The following SYNE1 variants were observed in gnomAD, a reference collection of about 807,000 sequenced individuals.
The protein encoded by SYNE1 is nesprin-1.
Under a neutral mutation model 1,111.0 loss-of-function variants are expected in SYNE1, and 616 were observed. That is an observed-to-expected ratio of 0.55 (90% CI 0.52 to 0.59). The LOEUF is 0.59. SYNE1 is among the 20% of genes least tolerant of loss of function. The pLI is 0.00. For missense variants in SYNE1, 10,006 were observed against 10,417.0 expected, an observed-to-expected ratio of 0.96 and a Z score of 1.72; for synonymous variants, 3,855 against 3,825.8, an observed-to-expected ratio of 1.01 and a Z score of -0.28.
rs543380778 is a variant in SYNE1, at chr6:152,494,719, G to T, written c.939+4023C>A. On this transcript the variant is annotated intron_variant, in intron 11 of 145. Transcript: ENST00000367255. ...AAAGAGTTTTCCTCACCATGCAAGG[G>T]TCCTCCATCGTTAATGACTCTTTAA... Among the ~76,000 whole-genome samples the T allele has an allele frequency of 1.2e-4, 18 of 152,234 alleles. No homozygotes were observed. In the South Asian group the frequency reaches 2.5e-3, roughly 21 times the overall value.
At chr6:152,439,165 A>G (rs1346512115) in intron 32 of SYNE1, among the ~76,000 whole-genome samples, 6 of 152,240 alleles carry the variant, frequency 3.9e-5, no homozygotes, top group African/African-American at 1.2e-4. Flanking sequence ...CATCAATCCC[A>G]AAGCATAGAA....
chr6:152,167,597 A>T, intron 130 of SYNE1: 1 of 387,180 alleles, frequency 2.6e-6, no homozygotes, highest in East Asian at 6.3e-5. Flanking sequence ...CATATTAGGG[A>T]CTAAAACTTA....
intron 106 of SYNE1, 51 bp from the exon 107 acceptor site, chr6:152,242,491 C>A: frequency 6.2e-7 from 1 of 1,602,414 alleles, no homozygotes; most frequent in Non-Finnish European, 8.5e-7. Flanking sequence ...TCTGGCAACC[C>A]TCTAAAAGCA....
rs2098419249 is a variant in SYNE1, at chr6:152,430,522, T to C, written c.4649A>G (p.His1550Arg). The C allele has an allele frequency of 6.2e-7, 1 of 1,614,122 alleles. No homozygotes were observed. The highest frequency in any genetic ancestry group is 8.5e-7 in the Non-Finnish European group (1 of 1,179,968). The change falls in exon 35 of 146, where the codon CAT (histidine) becomes CGT (arginine). Residue 1550 changes from histidine (H) to arginine (R), a missense_variant. By Grantham distance (29) the His-to-Arg change is conservative. Around this residue, in one of 7 missense-constraint regions of SYNE1, gnomAD observed 1,971 missense variants for 2,084.1 expected, o/e 0.95. Transcript: ENST00000367255. ...TTCAAACTTTTGCTGCTGAGATAAA[T>C]GTCCCAGGATTGTTCCTTCCAGACA... ...AQCLEGTILG[H>R]LSQQQKFEEN...
intron 2 of SYNE1, among the ~76,000 whole-genome samples, chr6:152,634,437 T>C (rs1371158174): frequency 6.6e-6 from 1 of 152,202 alleles, no homozygotes; most frequent in Non-Finnish European, 1.5e-5. Context: ...TGAAGAGAGT[T>C]CACATACTGT....
At chr6:152,178,182 T>C (rs1053430957) in intron 129 of SYNE1, among the ~76,000 whole-genome samples, 2 of 152,182 alleles carry the variant, frequency 1.3e-5, no homozygotes, top group African/African-American at 4.8e-5. Context: ...GTTCTGGTTA[T>C]AGATTGTTCA....
At chr6:152,351,191 T>A (rs2096734917) in intron 70 of SYNE1, among the ~76,000 whole-genome samples, 2 of 152,238 alleles carry the variant, frequency 1.3e-5, no homozygotes, top group African/African-American at 4.8e-5. Flanking sequence ...GTGACCTTGC[T>A]GAGATAGGCT....
In SYNE1 at chr6:152,262,163, C is replaced by T. The variant is rs2092091593; in HGVS notation, c.18841G>A (p.Glu6281Lys). The T allele has an allele frequency of 6.2e-7, 1 of 1,613,700 alleles. No individual in the cohort carries two copies. The highest frequency in any genetic ancestry group is 8.5e-7 in the Non-Finnish European group (1 of 1,179,932). The change falls in exon 101 of 146, where the codon GAG (glutamate) becomes AAG (lysine). Residue 6281 changes from glutamate (E) to lysine (K), a missense_variant. By Grantham distance (56) the Glu-to-Lys change is moderately conservative (BLOSUM62 1). This residue lies in a region of SYNE1 where 2,182 missense variants were observed against 2,287.8 expected (regional missense o/e 0.95). Coordinates refer to ENST00000367255, the MANE Select transcript of SYNE1 (RefSeq NM_182961.4). The part of the protein sequence containing the change: ...AGEKPDVLSQ[E>K]LGMEGEKSSA... ...GATTTCTCCCCTTCCATCCCCAACTCCTGGGATAACACATCAGGTTTTTCG... is the reference window on the plus strand; with the variant it reads ...GATTTCTCCCCTTCCATCCCCAACTTCTGGGATAACACATCAGGTTTTTCG...
rs768532941 is a variant in SYNE1 at position 152,510,394 on chromosome 6, C to G, written c.403-23G>C. On this transcript the variant is annotated intron_variant, in intron 7 of 145. Coordinates refer to ENST00000367255, the MANE Select transcript of SYNE1 (RefSeq NM_182961.4). The stretch of plus-strand genomic sequence containing the variant: ...AATCTGTTTGTGAGTTAACAGCCAG[C>G]AAAAATATAAGCATTATCTTTGTTA... 5.6e-6 allele frequency: 9 copies of G among 1,611,780 alleles called. No homozygotes were observed. The African/African-American group carries it at 1.2e-4, about 22-fold the overall frequency.
chr6:152,163,733 C>A (rs1378919740), intron 131 of SYNE1, among the ~76,000 whole-genome samples: 1 of 151,936 alleles, frequency 6.6e-6, no homozygotes, highest in East Asian at 1.9e-4. Flanking sequence ...CTAAGTATGC[C>A]TTGTAATCTT....
chr6:152,413,812 T>C (rs2098109982), intron 41 of SYNE1, among the ~76,000 whole-genome samples: 1 of 152,116 alleles, frequency 6.6e-6, no homozygotes, highest in African/African-American at 2.4e-5. Flanking sequence ...GCTTTGATGG[T>C]AGAAGATTTT....
chr6:152,557,650 T>C (rs1564835520), intron 3 of SYNE1, among the ~76,000 whole-genome samples: 1 of 152,076 alleles, frequency 6.6e-6, no homozygotes, highest in East Asian at 1.9e-4. Context: ...CAGGAGAAAG[T>C]GGGATAATAT....
At chr6:152,232,020 A>C in intron 113 of SYNE1, 96 bp downstream of exon 113, 1 of 937,732 alleles carries the variant, frequency 1.1e-6, no homozygotes, top group Non-Finnish European at 1.7e-6. Context: ...GGAAACATAC[A>C]TTCCAAGACT....
At chr6:152,169,770 A>C (rs1488715108) in intron 130 of SYNE1, among the ~76,000 whole-genome samples, 1 of 151,608 alleles carries the variant, frequency 6.6e-6, no homozygotes, top group African/African-American at 2.4e-5. Flanking sequence ...AGTGCACTAC[A>C]GCCTGGGTGA....
At chr6:152,450,181 CT>C (rs1459740418) in intron 27 of SYNE1, among the ~76,000 whole-genome samples, 2 of 152,296 alleles carry the variant, frequency 1.3e-5, no homozygotes, top group East Asian at 3.9e-4. Context: ...TCATAAGGGG[CT>C]TTTCCCCCTT....
At chr6:152,510,734 T>TGAG (rs1395286267) in intron 7 of SYNE1, among the ~76,000 whole-genome samples, 1 of 152,210 alleles carries the variant, frequency 6.6e-6, no homozygotes, top group Non-Finnish European at 1.5e-5. Flanking sequence ...CTGAGCTCCT[T>TGAG]CTGCAACAAT....
Position 152,337,006 on chromosome 6 carries a change from C to G in SYNE1, c.12363G>C (p.Lys4121Asn). ...GAGTTAAGTTCTGGGCCTGGACAAG[C>G]TTTTGTTCAATCTTGAGAAAACACA... The part of the protein sequence containing the change: ...IQQTEQTIEQ[K>N]LVQAQNLTQG... The change falls in exon 76 of 146, where the codon AAG (lysine) becomes AAC (asparagine). Residue 4121 changes from lysine to asparagine, a missense_variant. Transcript: ENST00000367255. 6.2e-7 allele frequency: 1 copy of G among 1,613,628 alleles called. No homozygotes were observed. The highest frequency in any genetic ancestry group is 8.5e-7 in the Non-Finnish European group (1 of 1,179,938).
chr6:152,312,346 A>T (rs2095580668), intron 87 of SYNE1, among the ~76,000 whole-genome samples: 1 of 150,088 alleles, frequency 6.7e-6, no homozygotes, highest in Non-Finnish European at 1.5e-5. Flanking sequence ...AGTAGCTGGG[A>T]TTACAGGCAT....
At position 152,156,064 on chromosome 6, in the gene SYNE1, C is replaced by T. The variant is rs766538077; in HGVS notation, c.23824G>A (p.Gly7942Ser). Residue 7942 changes from glycine to serine, a missense_variant, in exon 132 of 146, where the codon GGT (glycine) becomes AGT (serine). Physicochemically the swap from Gly to Ser is moderately conservative, Grantham distance 56. This residue lies in a region of SYNE1 where 2,182 missense variants were observed against 2,287.8 expected (regional missense o/e 0.95). Transcript: ENST00000367255. ...CACAGGTTGAGGACAGATGCAACAC[C>T]TGTACTGTGCTTCTCTATGTCTCTC... ...LQRDIEKHST[G>S]VASVLNLCEV... is the part of the protein sequence containing the mutation. 9 of 1,614,078 alleles carry T rather than the reference C, an allele frequency of 5.6e-6. No homozygotes were observed. The African/African-American group carries it at 1.2e-4, about 22-fold the overall frequency.
Sources: gnomAD v4.1 joint callset for allele counts (sites outside exome capture counted in the v4.1 genomes callset) on GRCh38, gnomAD v4.1.1 for gene constraint, gnomAD v4.1.1 regional missense constraint, MANE v1.5 for transcripts, NCBI Gene and HGNC (gene_info 2026-07-23, HGNC 2026-07-21) for gene names.